Variants in CTNND2 observed in about 807,000 individuals in gnomAD.
CTNND2 encodes catenin delta-2.
Under a neutral mutation model 144.4 loss-of-function variants are expected in CTNND2, and 22 were observed. That is an observed-to-expected ratio of 0.15 (90% confidence interval 0.11 to 0.22). CTNND2 has a LOEUF of 0.22. CTNND2 is among the 10% of genes least tolerant of loss of function. CTNND2 has a pLI of 1.00. For synonymous variants in CTNND2, 751 were observed against 695.6 expected (o/e 1.08, Z -1.25); for missense variants, 1,353 against 1,618.8 (o/e 0.84, Z 2.82).
At chr5:11,897,364 C>T (rs1244828590) in intron 1 of CTNND2, among the ~76,000 whole-genome samples, 1 of 152,250 alleles carries the variant, frequency 6.6e-6, no homozygotes, top group Non-Finnish European at 1.5e-5. Context: ...AATACAACAT[C>T]GTATCTATTT....
At chr5:11,757,294 T>C (rs1789004970) in intron 1 of CTNND2, among the ~76,000 whole-genome samples, 1 of 151,800 alleles carries the variant, frequency 6.6e-6, no homozygotes, top group Non-Finnish European at 1.5e-5. Context: ...ATTATGAATT[T>C]ATCATGTTGT....
At chr5:11,127,817 T>C (rs1393154337) in intron 12 of CTNND2, among the ~76,000 whole-genome samples, 1 of 152,170 alleles carries the variant, frequency 6.6e-6, no homozygotes, top group African/African-American at 2.4e-5. Context: ...ATTCAGATTT[T>C]GGACTTTTGA....
At chr5:11,649,044 T>C (rs1054119930) in intron 2 of CTNND2, among the ~76,000 whole-genome samples, 8 of 152,238 alleles carry the variant, frequency 5.3e-5, no homozygotes, top group African/African-American at 1.2e-4. Context: ...ATTATTCCTA[T>C]AGTAAAATTC....
intron 1 of CTNND2, among the ~76,000 whole-genome samples, chr5:11,806,998 G>A (rs1269086516): frequency 6.6e-6 from 1 of 151,948 alleles, no homozygotes; most frequent in African/African-American, 2.4e-5. Context: ...TTGCTAATGG[G>A]TGTGTATTCA....
chr5:11,895,695 T>C (rs1737337773), intron 1 of CTNND2, among the ~76,000 whole-genome samples: 1 of 152,108 alleles, frequency 6.6e-6, no homozygotes, highest in South Asian at 2.1e-4. Context: ...AAATGATATA[T>C]AAACTGTTAA....
chr5:11,734,033 C>G (rs749498831), intron 1 of CTNND2, among the ~76,000 whole-genome samples: 2 of 152,124 alleles, frequency 1.3e-5, no homozygotes, highest in Non-Finnish European at 2.9e-5. Context: ...CTGAGAGAGA[C>G]TTCTCTACCC....
chr5:11,037,667 G>C (rs1388765511), intron 16 of CTNND2, among the ~76,000 whole-genome samples: 1 of 152,156 alleles, frequency 6.6e-6, no homozygotes, highest in Admixed American at 6.5e-5. Flanking sequence ...TGTTATAGAA[G>C]CCTTCTGTCT....
chr5:10,996,906 G>C (rs1279642796), intron 18 of CTNND2, among the ~76,000 whole-genome samples: 1 of 152,018 alleles, frequency 6.6e-6, no homozygotes, highest in Non-Finnish European at 1.5e-5. Context: ...CAATTTTGCT[G>C]ATTTTTAACC....
chr5:11,827,494 A>G (rs765875756), intron 1 of CTNND2, among the ~76,000 whole-genome samples: 1 of 152,202 alleles, frequency 6.6e-6, no homozygotes, highest in African/African-American at 2.4e-5. Context: ...AAATCCATGA[A>G]ATAGAAAAGC....
At chr5:11,403,540 A>C (rs1387258841) in intron 5 of CTNND2, among the ~76,000 whole-genome samples, 4 of 152,252 alleles carry the variant, frequency 2.6e-5, no homozygotes, top group Non-Finnish European at 5.9e-5. Flanking sequence ...GAGATTGCAC[A>C]TAATATTGTA....
intron 2 of CTNND2, among the ~76,000 whole-genome samples, chr5:11,716,552 C>T (rs1786363036): frequency 6.6e-6 from 1 of 152,102 alleles, no homozygotes; most frequent in Admixed American, 6.5e-5. Context: ...ATTTCATTTA[C>T]TTATTTTCTC....
intron 3 of CTNND2, among the ~76,000 whole-genome samples, chr5:11,430,120 C>T (rs970025721): frequency 2.6e-5 from 4 of 151,394 alleles, no homozygotes; most frequent in East Asian, 1.9e-4. Context: ...TGTGGTGTCG[C>T]GTGCCTGTAG....
chr5:11,081,874 G>A (rs1404996254), intron 16 of CTNND2, among the ~76,000 whole-genome samples: 1 of 152,112 alleles, frequency 6.6e-6, no homozygotes, highest in Admixed American at 6.5e-5. Flanking sequence ...TTTGCCTTTG[G>A]GGTGATGAAA....
chr5:11,608,087 C>T (rs1780146141), intron 2 of CTNND2, among the ~76,000 whole-genome samples: 1 of 152,052 alleles, frequency 6.6e-6, no homozygotes, highest in African/African-American at 2.4e-5. Flanking sequence ...CTCAAGAGAA[C>T]CCTGATGAAC....
In CTNND2 at chr5:11,353,291, A is replaced by T. The variant is rs548459609; in HGVS notation, c.1373-6664T>A. ...GAAGAGCAGTGACAGGACGGTGGGCAGGACTGGGACTGAAATGTAGCAGTG... is the reference window on the plus strand; with the variant it reads ...GAAGAGCAGTGACAGGACGGTGGGCTGGACTGGGACTGAAATGTAGCAGTG... On this transcript the variant is annotated intron_variant, in intron 8 of 21. Coordinates refer to ENST00000304623, the MANE Select transcript of CTNND2 (RefSeq NM_001332.4). Among the ~76,000 whole-genome samples the T allele has an allele frequency of 3.3e-5, 5 of 152,288 alleles. No homozygotes were observed. The South Asian group carries it at 1.0e-3, about 32-fold the overall frequency.
intron 3 of CTNND2, among the ~76,000 whole-genome samples, chr5:11,541,139 T>C (rs1039418419): frequency 5.3e-5 from 8 of 152,150 alleles, no homozygotes; most frequent in African/African-American, 1.9e-4. Context: ...TGGTTGCATA[T>C]TAGCCTCACC....
In CTNND2 at chr5:11,904,255, G is replaced by A. The variant is rs1201343788; in HGVS notation, c.-402C>T. Among the ~76,000 whole-genome samples the A allele has an allele frequency of 2.7e-5, 4 of 145,804 alleles. No individual in the cohort carries two copies. In the East Asian group the frequency reaches 8.0e-4, roughly 29 times the overall value. ...GAGCCTGGGGCCGCCGCGGCGCCCG[G>A]CGCCGAGCGCTCCCGAGCTGCGCCC... On this transcript the variant is annotated 5_prime_UTR_variant, in exon 1 of 22. Coordinates refer to ENST00000304623, the MANE Select transcript of CTNND2 (RefSeq NM_001332.4). This position sits in a 1 kb window ranked among gnomAD's most constrained non-coding sequence, Gnocchi z 4.2.
intron 12 of CTNND2, among the ~76,000 whole-genome samples, chr5:11,159,212 C>T (rs1056468200): frequency 6.6e-6 from 1 of 151,958 alleles, no homozygotes; most frequent in Non-Finnish European, 1.5e-5. Flanking sequence ...TGAACTCTGC[C>T]CAACCAGTCA....
rs763643218 is a variant in CTNND2 at position 11,742,060 on chromosome 5, G to T, written c.38-9788C>A. On this transcript the variant is annotated intron_variant, in intron 1 of 21. Transcript: ENST00000304623. Reference sequence around the variant, plus strand: ...TTTGGGGACTCGGGGGGAAAGGGTGGGAGGGGGTGAGGGATAAAAGACTAC... The same window carrying T: ...TTTGGGGACTCGGGGGGAAAGGGTGTGAGGGGGTGAGGGATAAAAGACTAC... Among the ~76,000 whole-genome samples, 87 of 151,712 alleles carry T rather than the reference G, an allele frequency of 5.7e-4. 2 individuals carry two copies. Among genetic ancestry groups the T allele is most frequent in the Admixed American group, 5.6e-3 (85 of 15,186 alleles).
Sources: gnomAD v4.1 joint callset for allele counts (sites outside exome capture counted in the v4.1 genomes callset) on GRCh38, gnomAD v4.1.1 for gene constraint, Gnocchi (gnomAD v3.1) non-coding constraint, MANE v1.5 for transcripts, NCBI Gene and HGNC (gene_info 2026-07-23, HGNC 2026-07-21) for gene names.